ECE1: variants seen among roughly 807,000 people sequenced by gnomAD.
ECE1 encodes the protein endothelin converting enzyme 1, also known as endothelin-converting enzyme 1.
Under a neutral mutation model 98.6 loss-of-function variants are expected in ECE1, and 35 were observed. The ratio of observed to expected loss-of-function variants is 0.35; its 90% CI spans 0.27 to 0.47. The LOEUF is 0.47. Ranked by LOEUF, ECE1 falls within the 20% of genes least tolerant of loss-of-function variation. The pLI, the probability that ECE1 is intolerant of heterozygous loss-of-function variation, is 1.00. For synonymous variants in ECE1, 394 were observed against 407.1 expected, an observed-to-expected ratio of 0.97 and a Z score of 0.39; for missense variants, 814 against 1,025.3, an observed-to-expected ratio of 0.79 and a Z score of 2.81.
rs755807899 is a variant in ECE1 at position 21,233,546 on chromosome 1, G to T, written c.1670+12C>A. The T allele has an allele frequency of 1.2e-6, 2 of 1,612,148 alleles. No homozygotes were observed. Among genetic ancestry groups the T allele is most frequent in the Non-Finnish European group, 1.7e-6 (2 of 1,179,168 alleles). On this transcript the variant is annotated intron_variant, in intron 14 of 18. Transcript: ENST00000374893. This position sits in a 1 kb window ranked among gnomAD's most constrained non-coding sequence, Gnocchi z 4.0. Reference sequence around the variant, plus strand: ...AGCTGGCACCTTGCCGGCAGGGCCTGGGGGAACTCACTGATCTCTGTTGGG... The same window carrying T: ...AGCTGGCACCTTGCCGGCAGGGCCTTGGGGAACTCACTGATCTCTGTTGGG...
chr1:21,282,824 A>C (rs2098256352), intron 2 of ECE1, among the ~76,000 whole-genome samples: 1 of 152,070 alleles, frequency 6.6e-6, no homozygotes, highest in African/African-American at 2.4e-5. Context: ...TGAAAGAAAC[A>C]GAGGGATAGG....
In ECE1 at chr1:21,227,871, T is replaced by G. The variant is rs2098176316; in HGVS notation, c.1781+60A>C. The G allele has an allele frequency of 2.2e-6, 3 of 1,374,586 alleles. No homozygotes were observed. The Admixed American group carries it at 6.1e-5, about 28-fold the overall frequency. 85.1% of individuals were successfully genotyped at this position (1,374,586 alleles called of 1,614,324 possible). ...CATGGTGAGACTGGCTTAGGTCGTA[T>G]GGGCCCCAGGGCTGGGCTGGGGGAA... On this transcript the variant is annotated intron_variant, in intron 15 of 18. Coordinates refer to ENST00000374893, the MANE Select transcript of ECE1 (RefSeq NM_001397.3).
intron 14 of ECE1, among the ~76,000 whole-genome samples, chr1:21,230,401 A>C (rs1414860976): frequency 6.6e-6 from 1 of 151,934 alleles, no homozygotes; most frequent in South Asian, 2.1e-4. Context: ...TTTTGAAACA[A>C]AGTCTTGTTC....
In ECE1 at chr1:21,220,214, G is replaced by C. The variant is rs1354568123; in HGVS notation, c.2137-83C>G. The stretch of plus-strand genomic sequence containing the variant: ...CTGCCCCCATTATAACAGCAGGGGA[G>C]GCCAGGTGCGGTGGCTCACACCTGT... On this transcript the variant is annotated intron_variant, in intron 18 of 18. Coordinates refer to ENST00000374893, the MANE Select transcript of ECE1 (RefSeq NM_001397.3). The surrounding 1 kb of genome is among the most constrained non-coding windows in gnomAD (Gnocchi z 5.0). 1.4e-6 allele frequency: 2 copies of C among 1,473,050 alleles called. No homozygotes were observed. Among genetic ancestry groups the C allele is most frequent in the Non-Finnish European group, 1.8e-6 (2 of 1,092,928 alleles). The allele number at this position is 1,473,050 out of a possible 1,614,324, so 91.2% of individuals were successfully genotyped here. A position where few individuals can be genotyped will look rare whatever the true frequency, so the allele number is the denominator to read the frequency against.
chr1:21,324,028 G>A (rs1226610105), intron 1 of ECE1, among the ~76,000 whole-genome samples: 2 of 151,976 alleles, frequency 1.3e-5, no homozygotes, highest in African/African-American at 4.8e-5. Flanking sequence ...TGCCATGTTG[G>A]TCTGGCTGAC....
chr1:21,236,309 C>T lies in ECE1; in HGVS notation c.1489-382G>A, dbSNP rs192973514. Among the ~76,000 whole-genome samples the T allele has an allele frequency of 2.6e-5, 4 of 152,380 alleles. No individual in the cohort carries two copies. In the East Asian group the frequency reaches 5.8e-4, roughly 22 times the overall value. On this transcript the variant is annotated intron_variant, in intron 12 of 18. Coordinates refer to ENST00000374893, the MANE Select transcript of ECE1 (RefSeq NM_001397.3). Reference sequence around the variant, plus strand: ...TACCCCGAATCCTGCTAGGCCTAGACCGCTCACCCGCTGAAGGCGAGACAG... The same window carrying T: ...TACCCCGAATCCTGCTAGGCCTAGATCGCTCACCCGCTGAAGGCGAGACAG...
chr1:21,232,189 T>A (rs1049357969), intron 14 of ECE1, among the ~76,000 whole-genome samples: 1 of 152,112 alleles, frequency 6.6e-6, no homozygotes, highest in African/African-American at 2.4e-5. Context: ...ATTGCACCCT[T>A]CCCTAAGATT....
At chr1:21,243,102 C>T (rs900979385) in intron 10 of ECE1, among the ~76,000 whole-genome samples, 41 of 152,180 alleles carry the variant, frequency 2.7e-4, no homozygotes, top group African/African-American at 9.2e-4. Context: ...GAGCTCAGGG[C>T]TATGGAATCA....
At chr1:21,244,696 T>C (rs754286754) in intron 10 of ECE1, among the ~76,000 whole-genome samples, 1 of 152,162 alleles carries the variant, frequency 6.6e-6, no homozygotes, top group Non-Finnish European at 1.5e-5. Flanking sequence ...GAAGTAATAC[T>C]ATTGGTGGTC....
intron 1 of ECE1, among the ~76,000 whole-genome samples, chr1:21,313,802 T>G (rs1638776938): frequency 6.6e-6 from 1 of 152,138 alleles, no homozygotes; most frequent in East Asian, 1.9e-4. Context: ...AAGGCGATAA[T>G]CCATGAAAAG....
In ECE1 at chr1:21,227,974, C is replaced by A. The variant is rs778063721; in HGVS notation, c.1738G>T (p.Ala580Ser). ...SPTKNEIVFP[A>S]GILQAPFYTR... ...TAGAATGGTGCCTGCAGGATCCCGG[C>A]CGGAAACACAATCTCATTCTTGGTG... is the stretch of plus-strand genomic sequence containing the variant. Residue 580 changes from alanine to serine, a missense_variant, in exon 15 of 19, where the codon GCC becomes TCC. Around this residue, in one of 3 missense-constraint regions of ECE1, gnomAD observed 452 missense variants for 567.3 expected, o/e 0.80. Transcript: ENST00000374893. 1 of 1,560,782 alleles carries A rather than the reference C, an allele frequency of 6.4e-7. No individual in the cohort carries two copies. Among genetic ancestry groups the A allele is most frequent in the South Asian group, 1.2e-5 (1 of 84,804 alleles).
chr1:21,287,932 A>G (rs1312607353), intron 2 of ECE1, among the ~76,000 whole-genome samples: 2 of 151,654 alleles, frequency 1.3e-5, no homozygotes, highest in African/African-American at 4.9e-5. Flanking sequence ...TTCTCCCCCA[A>G]GTGAGCATAT....
chr1:21,271,300 C>A (rs1034886869), intron 4 of ECE1, among the ~76,000 whole-genome samples: 16 of 152,304 alleles, frequency 1.1e-4, no homozygotes, highest in African/African-American at 3.8e-4. Context: ...GTCTCCTTCA[C>A]CTGGTTTGCC....
chr1:21,304,247 C>A, intron 1 of ECE1, among the ~76,000 whole-genome samples: 1 of 132,458 alleles, frequency 7.5e-6, no homozygotes, highest in Middle Eastern at 4.0e-3. Context: ...ACCCGGGAGG[C>A]GGAGCTTGCA....
intron 1 of ECE1, among the ~76,000 whole-genome samples, chr1:21,329,428 A>G (rs1377211371): frequency 6.6e-6 from 1 of 151,938 alleles, no homozygotes; most frequent in Admixed American, 6.6e-5. Context: ...TGATGGCTTA[A>G]AAACACGAGT....
chr1:21,278,351 G>T (rs1280306335), intron 3 of ECE1, among the ~76,000 whole-genome samples: 1 of 152,240 alleles, frequency 6.6e-6, no homozygotes, highest in Non-Finnish European at 1.5e-5. Flanking sequence ...GACCCCTACA[G>T]CAGGATCAGA....
Position 21,273,330 on chromosome 1 carries a change from T to A in ECE1, c.281-419A>T, listed in dbSNP as rs1294229354. 6.8e-5 allele frequency among the ~76,000 whole-genome samples: 10 copies of A among 146,244 alleles called. No homozygotes were observed. The East Asian group carries it at 2.1e-3, about 31-fold the overall frequency. On this transcript the variant is annotated intron_variant, in intron 3 of 18. Coordinates refer to ENST00000374893, the MANE Select transcript of ECE1 (RefSeq NM_001397.3). ...ATGTGTGCACCTGCGTGAAAGTGTG[T>A]GCCCGTGCGTGTGTGCGTGTGTGTG...
At chr1:21,305,786 C>T (rs1569717865) in intron 1 of ECE1, among the ~76,000 whole-genome samples, 1 of 152,188 alleles carries the variant, frequency 6.6e-6, no homozygotes, top group Admixed American at 6.5e-5. Flanking sequence ...TACGTTCGCC[C>T]CCATGCCTGG....
At chr1:21,297,663 A>C (rs1239473598) in intron 1 of ECE1, among the ~76,000 whole-genome samples, 1 of 150,006 alleles carries the variant, frequency 6.7e-6, no homozygotes, top group Non-Finnish European at 1.5e-5. Context: ...CAGCCTCCCG[A>C]GTAGCTGGGA....
Sources: gnomAD v4.1 joint callset for allele counts (sites outside exome capture counted in the v4.1 genomes callset) on GRCh38, gnomAD v4.1.1 for gene constraint, gnomAD v4.1.1 regional missense constraint, Gnocchi (gnomAD v3.1) non-coding constraint, MANE v1.5 for transcripts, NCBI Gene and HGNC (gene_info 2026-07-23, HGNC 2026-07-21) for gene names.